FGF14: variants seen among roughly 807,000 people sequenced by gnomAD.
The protein encoded by FGF14 is fibroblast growth factor 14.
FGF14 carries 5 observed loss-of-function variants against 25.5 expected under a neutral mutation model. The ratio of observed to expected loss-of-function variants is 0.20; its 90% CI spans 0.10 to 0.41. The LOEUF (loss-of-function observed/expected upper bound fraction) is 0.41. Ranked by LOEUF, FGF14 falls within the 10% of genes least tolerant of loss-of-function variation. The probability of loss-of-function intolerance (pLI) is 1.00; values close to 1 mark genes in which losing one functional copy is unlikely to be tolerated. For synonymous variants in FGF14, 138 were observed against 118.3 expected (o/e 1.17, Z -1.08); for missense variants, 222 against 320.1 (o/e 0.69, Z 2.34).
intron 1 of FGF14, among the ~76,000 whole-genome samples, chr13:102,332,442 T>C (rs1332854826): frequency 3.9e-5 from 6 of 152,118 alleles, no homozygotes; most frequent in African/African-American, 1.4e-4. Context: ...ATCAGAGATT[T>C]TATTAACTCT....
At chr13:101,955,554 ATAGG>A (rs1479515454) in intron 1 of FGF14, among the ~76,000 whole-genome samples, 2 of 152,228 alleles carry the variant, frequency 1.3e-5, no homozygotes, top group African/African-American at 4.8e-5. Context: ...TATAAAATGC[ATAGG>A]TAGGTAGGTG....
At chr13:101,759,721 A>T (rs1323097067) in intron 3 of FGF14, among the ~76,000 whole-genome samples, 1 of 152,148 alleles carries the variant, frequency 6.6e-6, no homozygotes, top group Non-Finnish European at 1.5e-5. Context: ...GGAGGAGGCA[A>T]TGTTCTCTAT....
intron 1 of FGF14, among the ~76,000 whole-genome samples, chr13:101,983,676 C>A (rs2038398132): frequency 6.6e-6 from 1 of 152,058 alleles, no homozygotes; most frequent in Non-Finnish European, 1.5e-5. Flanking sequence ...AAGAACCTAC[C>A]CTCATATTTT....
At chr13:102,250,297 T>C (rs1202004787) in intron 1 of FGF14, among the ~76,000 whole-genome samples, 1 of 152,198 alleles carries the variant, frequency 6.6e-6, no homozygotes, top group East Asian at 1.9e-4. Context: ...AGGCTTCCAA[T>C]GTGAACCTCC....
At chr13:101,998,040 A>C (rs1292694649) in intron 1 of FGF14, among the ~76,000 whole-genome samples, 6 of 152,062 alleles carry the variant, frequency 3.9e-5, no homozygotes, top group Admixed American at 3.3e-4. Flanking sequence ...ATTTAGCAAA[A>C]AATCCTGAAT....
chr13:101,990,126 C>T (rs1023770265), intron 1 of FGF14, among the ~76,000 whole-genome samples: 1 of 152,096 alleles, frequency 6.6e-6, no homozygotes, highest in East Asian at 1.9e-4. Flanking sequence ...CTAATTGAAT[C>T]TCTGTTCACA....
At chr13:102,246,840 T>C (rs925539902) in intron 1 of FGF14, among the ~76,000 whole-genome samples, 4 of 151,920 alleles carry the variant, frequency 2.6e-5, no homozygotes, top group African/African-American at 9.7e-5. Context: ...CTTCAAACTA[T>C]ACTACAGTGC....
chr13:102,301,166 TTA>T (rs2055033039), intron 1 of FGF14, among the ~76,000 whole-genome samples: 1 of 152,172 alleles, frequency 6.6e-6, no homozygotes, highest in Non-Finnish European at 1.5e-5. Flanking sequence ...ATTGAAATAT[TTA>T]GTTTCATCCA....
intron 1 of FGF14, among the ~76,000 whole-genome samples, chr13:102,027,283 A>G (rs937131281): frequency 5.3e-5 from 8 of 151,122 alleles, no homozygotes; most frequent in Non-Finnish European, 1.2e-4. Flanking sequence ...TGCATTATCT[A>G]TATTACATAT....
chr13:101,927,600 C>T (rs766228953), intron 1 of FGF14, among the ~76,000 whole-genome samples: 1 of 152,206 alleles, frequency 6.6e-6, no homozygotes, highest in Non-Finnish European at 1.5e-5. Flanking sequence ...AGAGTCAAAG[C>T]TGATACTCAA....
chr13:101,921,507 C>T (rs940084369), upstream of FGF14, among the ~76,000 whole-genome samples: 1 of 152,150 alleles, frequency 6.6e-6, no homozygotes, highest in African/African-American at 2.4e-5. Flanking sequence ...TCTCTAATAC[C>T]CCGTATATAT....
intron 1 of FGF14, chr13:102,367,790 G>C (rs1594963322): frequency 6.6e-6 from 1 of 152,314 alleles, no homozygotes; most frequent in East Asian, 1.9e-4. Context: ...TAAAATGGGG[G>C]TGACAGTGCC....
At chr13:102,315,993 T>C (rs2056003459) in intron 1 of FGF14, among the ~76,000 whole-genome samples, 1 of 152,178 alleles carries the variant, frequency 6.6e-6, no homozygotes, top group Non-Finnish European at 1.5e-5. Flanking sequence ...ATGAGCCCTA[T>C]GCAATCCCAC....
At chr13:102,024,403 T>G (rs1289472933) in intron 1 of FGF14, among the ~76,000 whole-genome samples, 7 of 152,072 alleles carry the variant, frequency 4.6e-5, no homozygotes, top group Non-Finnish European at 8.8e-5. Flanking sequence ...TTGTGTTTAT[T>G]GGTAATTATA....
At chr13:102,113,757 C>T (rs1048789298) in intron 1 of FGF14, among the ~76,000 whole-genome samples, 12 of 152,124 alleles carry the variant, frequency 7.9e-5, no homozygotes, top group African/African-American at 2.9e-4. Context: ...GAGTCATAAA[C>T]AGAAGATGCT....
At chr13:102,091,333 C>T (rs898008769) in intron 1 of FGF14, among the ~76,000 whole-genome samples, 1 of 152,084 alleles carries the variant, frequency 6.6e-6, no homozygotes, top group Non-Finnish European at 1.5e-5. Context: ...TAGGATCTGC[C>T]ACTAGGAGCA....
At chr13:101,920,823 T>C (rs1316292612), upstream of FGF14, among the ~76,000 whole-genome samples, 1 of 152,184 alleles carries the variant, frequency 6.6e-6, no homozygotes, top group Non-Finnish European at 1.5e-5. Context: ...TAAGCCTACT[T>C]TCACACCAAC....
intron 1 of FGF14, among the ~76,000 whole-genome samples, chr13:102,257,411 G>T (rs529796029): frequency 3.0e-5 from 4 of 133,524 alleles, no homozygotes; most frequent in African/African-American, 8.5e-5. Context: ...GAGCACAGTG[G>T]CATGATCTCG....
chr13:101,875,426 G>A, intron 1 of FGF14, 130 bp from the exon 2 acceptor site: 1 of 705,312 alleles, frequency 1.4e-6, no homozygotes, highest in Admixed American at 2.2e-5. Flanking sequence ...TTGTCTCTCA[G>A]ATTCTTCTGT....
Sources: allele counts gnomAD v4.1 joint callset (sites outside exome capture counted in the v4.1 genomes callset), GRCh38; gene constraint gnomAD v4.1.1; transcripts MANE v1.5; gene names NCBI Gene and HGNC (gene_info 2026-07-23, HGNC 2026-07-21).